Variants in SORD observed in about 807,000 individuals in gnomAD.
SORD encodes (R,R)-butanediol dehydrogenase.
Under a neutral mutation model 35.6 loss-of-function variants are expected in SORD, and 18 were observed. The observed-to-expected ratio is 0.51, with a 90% CI of 0.35 to 0.75. The LOEUF is 0.75. SORD is among the 30% of genes least tolerant of loss of function. The pLI is 0.01. For missense variants in SORD, 250 were observed against 390.2 expected (o/e 0.64, Z 3.03); for synonymous variants, 106 against 152.9 (o/e 0.69, Z 2.26).
At chr15:45,036,813 G>C (rs993732955) in intron 1 of SORD, among the ~76,000 whole-genome samples, 2 of 152,188 alleles carry the variant, frequency 1.3e-5, no homozygotes, top group Non-Finnish European at 2.9e-5. Flanking sequence ...GAGCTGTGGA[G>C]ATAAAAGTGA....
intron 1 of SORD, among the ~76,000 whole-genome samples, chr15:45,029,758 G>A (rs558626891): frequency 3.3e-5 from 5 of 152,374 alleles, no homozygotes; most frequent in African/African-American, 1.2e-4. Flanking sequence ...GGTGAAGGTG[G>A]AGAATTTTAC....
At chr15:45,042,667 TTA>T (rs1281600092) in intron 2 of SORD, among the ~76,000 whole-genome samples, 3 of 152,130 alleles carry the variant, frequency 2.0e-5, no homozygotes, top group African/African-American at 7.2e-5. Flanking sequence ...GTCTGGAAAG[TTA>T]TCTTTTGGAA....
At chr15:45,036,122 G>C in intron 1 of SORD, 1 of 295,690 alleles carries the variant, frequency 3.4e-6, no homozygotes, top group South Asian at 2.7e-5. Context: ...GAACCCACCA[G>C]AAGGAAGAAA....
At chr15:45,034,999 G>A (rs1378652649) in intron 1 of SORD, among the ~76,000 whole-genome samples, 1 of 152,148 alleles carries the variant, frequency 6.6e-6, no homozygotes, top group Admixed American at 6.5e-5. Flanking sequence ...CGGAGGGTGT[G>A]CTGGGTCCCC....
intron 1 of SORD, among the ~76,000 whole-genome samples, chr15:45,035,285 C>T (rs969672504): frequency 6.6e-6 from 1 of 152,194 alleles, no homozygotes; most frequent in African/African-American, 2.4e-5. Flanking sequence ...CTGGGTGAAG[C>T]CAGCTGGGCT....
intron 1 of SORD, among the ~76,000 whole-genome samples, 175 bp from the exon 2 acceptor site, chr15:45,040,233 G>A (rs549938626): frequency 4.6e-5 from 7 of 152,024 alleles, no homozygotes; most frequent in East Asian, 1.9e-4. Context: ...TGTGTGCAGC[G>A]TGCCATTTAG....
In SORD at chr15:45,036,072, G is replaced by C. The variant is rs374374248; in HGVS notation, c.67-4336G>C. ...TGGCTTAAGAGCTGTAACACTCACC[G>C]CGAAGGTCCGCAGCTTCACTGCTGA... On this transcript the variant is annotated intron_variant, in intron 1 of 8. Transcript: ENST00000267814. Among the ~76,000 whole-genome samples the C allele has an allele frequency of 1.1e-4, 16 of 151,824 alleles. No homozygotes were observed. The South Asian group carries it at 1.2e-3, about 12-fold the overall frequency.
chr15:45,027,255 G>A (rs1892689420), intron 1 of SORD, among the ~76,000 whole-genome samples: 1 of 152,272 alleles, frequency 6.6e-6, no homozygotes, highest in Non-Finnish European at 1.5e-5. Context: ...GTGTCAGCTT[G>A]CTGGGGTTCT....
chr15:45,042,788 T>C (rs1025746995), intron 2 of SORD, among the ~76,000 whole-genome samples: 5 of 151,292 alleles, frequency 3.3e-5, no homozygotes, highest in African/African-American at 1.2e-4. Flanking sequence ...CTAAGATATA[T>C]GTGTATGTAT....
chr15:45,037,848 G>A (rs1892894750), intron 1 of SORD, among the ~76,000 whole-genome samples: 1 of 151,998 alleles, frequency 6.6e-6, no homozygotes, highest in Admixed American at 6.5e-5. Context: ...AATACCTAAT[G>A]CATGTGGGGC....
At chr15:45,065,441 A>C in intron 5 of SORD, 52 bp downstream of exon 5, 1 of 1,557,016 alleles carries the variant, frequency 6.4e-7, no homozygotes, top group Non-Finnish European at 8.7e-7. Flanking sequence ...GAATTCAGGG[A>C]ACCCTCTGCC....
chr15:45,036,429 C>T (rs1318686252), intron 1 of SORD: 9 of 443,592 alleles, frequency 2.0e-5, no homozygotes, highest in Non-Finnish European at 4.1e-5. Flanking sequence ...CAGTGGCTCA[C>T]GCCTGTAATC....
intron 3 of SORD, chr15:45,058,479 G>GA (rs113245021): frequency 3.2e-3 from 447 of 141,226 alleles, no homozygotes; most frequent in Admixed American, 4.3e-3. Flanking sequence ...GATTTTGAGA[G>GA]AAAAAAAAAA....
At chr15:45,067,032 G>A (rs904813149) in intron 5 of SORD, among the ~76,000 whole-genome samples, 17 of 152,086 alleles carry the variant, frequency 1.1e-4, no homozygotes, top group African/African-American at 4.1e-4. Context: ...GTTTTTTTCT[G>A]AGACCATGCT....
chr15:45,055,603 C>T (rs1893201797), intron 3 of SORD, among the ~76,000 whole-genome samples: 1 of 152,176 alleles, frequency 6.6e-6, no homozygotes, highest in African/African-American at 2.4e-5. Flanking sequence ...CTATTCCAAT[C>T]AACAGAAAAA....
chr15:45,025,624 CAA>C (rs34029087), intron 1 of SORD, among the ~76,000 whole-genome samples: 176 of 68,194 alleles, frequency 2.6e-3, no homozygotes, highest in Middle Eastern at 8.6e-3. Flanking sequence ...AAAACTATGT[CAA>C]AAAAAAAAAA....
intron 2 of SORD, chr15:45,042,497 A>G (rs1461445390): frequency 6.6e-6 from 1 of 151,592 alleles, no homozygotes; most frequent in Middle Eastern, 3.2e-3. Flanking sequence ...GTCTAAAAAT[A>G]AAAAATAAAT....
chr15:45,035,074 G>A lies in SORD; in HGVS notation c.67-5334G>A, dbSNP rs1225063673. 5.3e-5 allele frequency among the ~76,000 whole-genome samples: 8 copies of A among 152,292 alleles called. No homozygotes were observed. In the East Asian group the frequency reaches 1.4e-3, roughly 26 times the overall value. On this transcript the variant is annotated intron_variant, in intron 1 of 8. Coordinates refer to ENST00000267814, the MANE Select transcript of SORD (RefSeq NM_003104.6). ...CCGGGCCTTAGCTGCCTTCCCGCGG[G>A]GCAGGGCTCGGGACCTGCAGCCCGC...
chr15:45,023,930 T>A (rs1892630566), intron 1 of SORD, among the ~76,000 whole-genome samples: 1 of 152,190 alleles, frequency 6.6e-6, no homozygotes, highest in Admixed American at 6.5e-5. Context: ...CTGTTCCCCT[T>A]GCCTGTGCCA....
Sources: allele counts gnomAD v4.1 joint callset (sites outside exome capture counted in the v4.1 genomes callset), GRCh38; gene constraint gnomAD v4.1.1; transcripts MANE v1.5; gene names NCBI Gene and HGNC (gene_info 2026-07-23, HGNC 2026-07-21).